The following GRIK2 variants were observed in gnomAD, a reference collection of about 807,000 sequenced individuals.
The protein encoded by GRIK2 is glutamate ionotropic receptor kainate type subunit 2, also known as glutamate receptor ionotropic, kainate 2.
Under a neutral mutation model 100.3 loss-of-function variants are expected in GRIK2, and 32 were observed. The ratio of observed to expected loss-of-function variants is 0.32; its 90% CI spans 0.24 to 0.43. GRIK2 has a LOEUF of 0.43. GRIK2 is among the 20% of genes least tolerant of loss of function. The pLI is 1.00. For missense variants in GRIK2, 843 were observed against 1,114.9 expected, an observed-to-expected ratio of 0.76 and a Z score of 3.47; for synonymous variants, 417 against 389.4, an observed-to-expected ratio of 1.07 and a Z score of -0.83.
intron 14 of GRIK2, among the ~76,000 whole-genome samples, chr6:102,007,650 G>A (rs2114296956): frequency 6.6e-6 from 1 of 152,040 alleles, no homozygotes; most frequent in Admixed American, 6.6e-5. Context: ...TGAAACAGAT[G>A]GAATCAAAAA....
chr6:101,564,508 T>C (rs1582725694), intron 2 of GRIK2, among the ~76,000 whole-genome samples: 1 of 152,148 alleles, frequency 6.6e-6, no homozygotes, highest in East Asian at 1.9e-4. Context: ...AGTTGCTCAC[T>C]GTGCCTGTAT....
At chr6:101,953,020 A>G (rs563307324) in intron 14 of GRIK2, among the ~76,000 whole-genome samples, 3 of 152,340 alleles carry the variant, frequency 2.0e-5, no homozygotes, top group African/African-American at 4.8e-5. Context: ...TAGTCTGAAT[A>G]TTTAATGTAA....
At chr6:101,607,776 A>G (rs528371225) in intron 2 of GRIK2, among the ~76,000 whole-genome samples, 16 of 151,978 alleles carry the variant, frequency 1.1e-4, no homozygotes, top group African/African-American at 3.6e-4. Flanking sequence ...GGATTAAGGA[A>G]CCAAGAGCCT....
Position 101,466,721 on chromosome 6 carries a change from C to G in GRIK2, c.115+67329C>G, listed in dbSNP as rs1771666552. 2.0e-5 allele frequency among the ~76,000 whole-genome samples: 3 copies of G among 152,110 alleles called. No individual in the cohort carries two copies. The South Asian group carries it at 6.2e-4, about 32-fold the overall frequency. ...CAACCTTTATGGAGAGGAAAAGAGG[C>G]ATCAGCAATTTCAGGCAACCACAAA... On this transcript the variant is annotated intron_variant, in intron 2 of 16. Coordinates refer to ENST00000369134, the MANE Select transcript of GRIK2 (RefSeq NM_021956.5).
chr6:101,945,115 A>C (rs1318875105), intron 14 of GRIK2, among the ~76,000 whole-genome samples: 1 of 152,134 alleles, frequency 6.6e-6, no homozygotes, highest in Non-Finnish European at 1.5e-5. Context: ...TACTTAGTTC[A>C]ATTATTGGAA....
intron 2 of GRIK2, among the ~76,000 whole-genome samples, chr6:101,600,890 C>CT (rs372627115): frequency 2.6e-5 from 4 of 151,462 alleles, no homozygotes; most frequent in East Asian, 3.9e-4. Flanking sequence ...ATTTGTATTC[C>CT]TTTTTTTTAT....
At chr6:101,443,887 A>AT (rs1053450392) in intron 2 of GRIK2, among the ~76,000 whole-genome samples, 1 of 150,980 alleles carries the variant, frequency 6.6e-6, no homozygotes, top group Non-Finnish European at 1.5e-5. Flanking sequence ...ATTTTATTTT[A>AT]TTTTTTATTT....
chr6:101,852,662 T>C (rs1784205603), intron 10 of GRIK2, among the ~76,000 whole-genome samples: 1 of 152,190 alleles, frequency 6.6e-6, no homozygotes, highest in Non-Finnish European at 1.5e-5. Context: ...CTACTTGGTA[T>C]GATAAATGCT....
chr6:101,620,239 C>T, intron 2 of GRIK2: 2 of 878,154 alleles, frequency 2.3e-6, no homozygotes, highest in South Asian at 5.3e-5. Context: ...CACTGTTCTT[C>T]TCCACATACA....
intron 9 of GRIK2, among the ~76,000 whole-genome samples, chr6:101,803,685 G>C (rs9322610): frequency 0.41 from 62,038 of 151,530 alleles, 14,986 homozygotes; most frequent in East Asian, 0.85. Context: ...ATGAAATATC[G>C]AAATCACTAG....
chr6:101,496,144 A>G (rs576979972), intron 2 of GRIK2, among the ~76,000 whole-genome samples: 6 of 152,106 alleles, frequency 3.9e-5, no homozygotes, highest in East Asian at 1.9e-4. Flanking sequence ...ATGGGGTTTC[A>G]CCATGTTGGC....
At chr6:101,404,502 A>T (rs1027947625) in intron 2 of GRIK2, among the ~76,000 whole-genome samples, 1 of 152,152 alleles carries the variant, frequency 6.6e-6, no homozygotes, top group Admixed American at 6.5e-5. Flanking sequence ...TTAAGATTTG[A>T]CTTTGTTATG....
intron 10 of GRIK2, among the ~76,000 whole-genome samples, chr6:101,834,337 C>T (rs1472341456): frequency 1.3e-5 from 2 of 151,892 alleles, no homozygotes; most frequent in Non-Finnish European, 2.9e-5. Flanking sequence ...CTACTTTGTA[C>T]TTCACTATTT....
At chr6:101,707,400 T>C (rs1313134141) in intron 7 of GRIK2, among the ~76,000 whole-genome samples, 2 of 149,442 alleles carry the variant, frequency 1.3e-5, no homozygotes, top group African/African-American at 4.9e-5. Context: ...ATATGACTTA[T>C]GTGTGCAGTA....
intron 3 of GRIK2, among the ~76,000 whole-genome samples, chr6:101,625,510 T>G (rs1474799293): frequency 6.6e-6 from 1 of 152,074 alleles, no homozygotes; most frequent in Non-Finnish European, 1.5e-5. Flanking sequence ...TTCTTTCACA[T>G]GCCAGGTCTT....
intron 2 of GRIK2, among the ~76,000 whole-genome samples, chr6:101,456,117 A>AT (rs200054905): frequency 2.1e-3 from 307 of 144,322 alleles, no homozygotes; most frequent in African/African-American, 4.9e-3. Flanking sequence ...ATTGGGACAG[A>AT]TTTTTTTTTT....
intron 2 of GRIK2, among the ~76,000 whole-genome samples, chr6:101,570,475 C>A (rs980164076): frequency 2.0e-5 from 3 of 152,054 alleles, no homozygotes; most frequent in Non-Finnish European, 2.9e-5. Context: ...TCTGCCCAGC[C>A]TCCCCCTTCT....
At chr6:101,970,519 T>C (rs1324415991) in intron 14 of GRIK2, among the ~76,000 whole-genome samples, 1 of 151,984 alleles carries the variant, frequency 6.6e-6, no homozygotes, top group African/African-American at 2.4e-5. Flanking sequence ...GAAAATTAAA[T>C]GGTGGATTAT....
intron 2 of GRIK2, among the ~76,000 whole-genome samples, chr6:101,432,048 CTT>C (rs1476628788): frequency 5.9e-5 from 9 of 152,116 alleles, no homozygotes; most frequent in Non-Finnish European, 1.3e-4. Context: ...AATTAATACT[CTT>C]GCGCATAATT....
Sources: gnomAD v4.1 joint callset for allele counts (sites outside exome capture counted in the v4.1 genomes callset) on GRCh38, gnomAD v4.1.1 for gene constraint, MANE v1.5 for transcripts, NCBI Gene and HGNC (gene_info 2026-07-23, HGNC 2026-07-21) for gene names.